CNTROB: variants seen among roughly 807,000 people sequenced by gnomAD.
CNTROB encodes the protein centrobin, centriole duplication and spindle assembly protein.
In CNTROB, 82 loss-of-function variants were observed where a neutral mutation model predicts 115.7. That is an observed-to-expected ratio of 0.71 (90% CI 0.59 to 0.85). The LOEUF (loss-of-function observed/expected upper bound fraction) is 0.85. Ranked by LOEUF, CNTROB falls within the 40% of genes least tolerant of loss-of-function variation. The probability of loss-of-function intolerance (pLI) is 0.00; values close to 1 mark genes in which losing one functional copy is unlikely to be tolerated. For synonymous variants in CNTROB, 439 were observed against 456.4 expected, an observed-to-expected ratio of 0.96 and a Z score of 0.49; for missense variants, 1,014 against 1,144.4, an observed-to-expected ratio of 0.89 and a Z score of 1.64.
In CNTROB at chr17:7,947,700, G is replaced by A; in HGVS notation, c.2123G>A (p.Gly708Asp). Residue 708 changes from glycine (G) to aspartate (D), a missense_variant, in exon 14 of 19, where the codon GGC (glycine) becomes GAC (aspartate). Gly to Asp is a moderately conservative substitution (Grantham distance 94, BLOSUM62 -1). Coordinates refer to ENST00000563694, the MANE Select transcript of CNTROB (RefSeq NM_053051.5). ...GGGCTGCCGCCTGCTCAGCTGGAGG[G>A]CCTCAAGAATTTTTTGCACCAGGTA... ...KQGLPPAQLE[G>D]LKNFLHQLLE... 2.5e-6 allele frequency: 4 copies of A among 1,611,738 alleles called. No homozygotes were observed. Among genetic ancestry groups the A allele is most frequent in the Non-Finnish European group, 3.4e-6 (4 of 1,178,362 alleles).
Position 7,948,194 on chromosome 17 carries a change from A to G in CNTROB, c.2247A>G (p.Gln749=). Residue 749 remains glutamine (Q), a synonymous_variant, in exon 16 of 19, where the codon CAA becomes CAG. Transcript: ENST00000563694. This position sits in a 1 kb window ranked among gnomAD's most constrained non-coding sequence, Gnocchi z 4.4. ...LTVPSWEEAP[Q]VPRIPPPVHK... is the part of the protein sequence containing the mutation. ...TCCCATCTTGGGAGGAAGCCCCTCAAGTGCCACGTATTCCACCGCCTGTCC... is the reference window on the plus strand; with the variant it reads ...TCCCATCTTGGGAGGAAGCCCCTCAGGTGCCACGTATTCCACCGCCTGTCC... The G allele has an allele frequency of 6.2e-7, 1 of 1,614,076 alleles. No individual in the cohort carries two copies. The highest frequency in any genetic ancestry group is 8.5e-7 in the Non-Finnish European group (1 of 1,180,020).
rs76262783 is a variant in CNTROB at position 7,947,654 on chromosome 17, G to A, written c.2077G>A (p.Gly693Arg). ...CCCTGAGGAAGATCCTGGACCTGAC[G>A]GGGAGGGCCTCCTAAAGCAAGGGCT... Reference protein sequence around the residue: ...PFPEEDPGPDGEGLLKQGLPP... With the variant: ...PFPEEDPGPDREGLLKQGLPP... Residue 693 changes from glycine (G) to arginine (R), a missense_variant, in exon 14 of 19, where the codon GGG (glycine) becomes AGG (arginine). By Grantham distance (125) the Gly-to-Arg change is moderately radical (BLOSUM62 -2). Coordinates refer to ENST00000563694, the MANE Select transcript of CNTROB (RefSeq NM_053051.5). 198 of 1,613,960 alleles carry A rather than the reference G, an allele frequency of 1.2e-4. 1 individual carries two copies. Among genetic ancestry groups the A allele is most frequent in the Admixed American group, 2.7e-4 (16 of 60,012 alleles).
In CNTROB at chr17:7,934,121, A is replaced by T; in HGVS notation, c.271-17A>T. ...ATAACACAGACTGCATCTGATTTCCATGTGGCTTTTTTCCAGGATGGTTCT... is the reference window on the plus strand; with the variant it reads ...ATAACACAGACTGCATCTGATTTCCTTGTGGCTTTTTTCCAGGATGGTTCT... On this transcript the variant is annotated splice_polypyrimidine_tract_variant and intron_variant, in intron 1 of 18. Transcript: ENST00000563694. 1 of 1,609,972 alleles carries T rather than the reference A, an allele frequency of 6.2e-7. No individual in the cohort carries two copies. The highest frequency in any genetic ancestry group is 2.2e-5 in the East Asian group (1 of 44,862).
rs371432070 is a variant in CNTROB at position 7,949,542 on chromosome 17, CATT to C, written c.*33_*35del. ...CTACCCTCTCTCCTCTTTGTTCTCTCATTGTTGTTATTTTAATAAATGCTCATT... is the reference window on the plus strand; with the variant it reads ...CTACCCTCTCTCCTCTTTGTTCTCTCGTTGTTATTTTAATAAATGCTCATT... On this transcript the variant is annotated 3_prime_UTR_variant, in exon 19 of 19. Transcript: ENST00000563694. The C allele has an allele frequency of 2.1e-3, 3,224 of 1,566,002 alleles. 26 individuals are homozygous for C. In the African/African-American group the frequency reaches 0.024, roughly 12 times the overall value.
chr17:7,940,829 A>T (rs535561980), intron 9 of CNTROB, among the ~76,000 whole-genome samples: 1 of 152,372 alleles, frequency 6.6e-6, no homozygotes, highest in Admixed American at 6.5e-5. Context: ...CATGGAATAG[A>T]GCAGGAGTTG....
intron 13 of CNTROB, among the ~76,000 whole-genome samples, chr17:7,946,834 C>T (rs1455432720): frequency 6.7e-6 from 1 of 150,258 alleles, no homozygotes; most frequent in Non-Finnish European, 1.5e-5. Flanking sequence ...TGCCATTGTA[C>T]TCTAGCCTGG....
chr17:7,949,665 T>G lies in CNTROB; in HGVS notation c.*155T>G, dbSNP rs754104312. On this transcript the variant is annotated 3_prime_UTR_variant, in exon 19 of 19. Transcript: ENST00000563694. ...AGAAACCACATTTGGTTGAGTACTT[T>G]TTTTATATGTTACATGTTTATATGT... 5 of 631,340 alleles carry G rather than the reference T, an allele frequency of 7.9e-6. No individual in the cohort carries two copies. The highest frequency in any genetic ancestry group is 1.9e-5 in the African/African-American group (1 of 53,200). The allele number at this position is 631,340 out of a possible 1,614,324, so 39.1% of individuals were successfully genotyped here.
At chr17:7,945,625 A>T in intron 12 of CNTROB, 103 bp from the exon 13 acceptor site, 1 of 1,250,766 alleles carries the variant, frequency 8.0e-7, no homozygotes. Flanking sequence ...GGTGTGAGCC[A>T]CTGCATCCGG....
intron 12 of CNTROB, 153 bp from the exon 13 acceptor site, chr17:7,945,575 T>C (rs1974430884): frequency 2.5e-6 from 2 of 785,730 alleles, no homozygotes; most frequent in Non-Finnish European, 4.0e-6. Flanking sequence ...TGGTTCAAAC[T>C]GCCAGCCTCA....
At position 7,948,553 on chromosome 17, in the gene CNTROB, C is replaced by G. The variant is rs751565855; in HGVS notation, c.2447C>G (p.Ala816Gly). The G allele has an allele frequency of 1.2e-6, 2 of 1,613,868 alleles. No individual in the cohort carries two copies. Among genetic ancestry groups the G allele is most frequent in the African/African-American group, 2.7e-5 (2 of 74,852 alleles). The change falls in exon 17 of 19, where the codon GCT becomes GGT. Residue 816 changes from alanine to glycine, a missense_variant. Coordinates refer to ENST00000563694, the MANE Select transcript of CNTROB (RefSeq NM_053051.5). This position sits in a 1 kb window ranked among gnomAD's most constrained non-coding sequence, Gnocchi z 4.4. ...EVSQLLRLYQ[A>G]RGWGALPAED... ...TCTCAACTGTTGCGACTCTACCAGG[C>G]TCGGGGCTGGGGGGCTCTGCCTGCT...
intron 3 of CNTROB, 91 bp from the exon 4 acceptor site, chr17:7,934,898 T>A (rs1412883452): frequency 9.9e-6 from 14 of 1,419,444 alleles, no homozygotes; most frequent in African/African-American, 1.4e-5. Flanking sequence ...CCTCTCTGGG[T>A]CTCAGTTTCC....
chr17:7,939,413 G>T lies in CNTROB; in HGVS notation c.928-100G>T. The T allele has an allele frequency of 7.1e-6, 7 of 992,166 alleles. No individual in the cohort carries two copies. Among genetic ancestry groups the T allele is most frequent in the Non-Finnish European group, 1.1e-5 (7 of 646,046 alleles). The allele number at this position is 992,166 out of a possible 1,614,324, so 61.5% of individuals were successfully genotyped here. Reference sequence around the variant, plus strand: ...CCGGCCTAATTATTGTGTTTTTAATGAGCATAATTCTCAGCAGGCACCTTG... The same window carrying T: ...CCGGCCTAATTATTGTGTTTTTAATTAGCATAATTCTCAGCAGGCACCTTG... On this transcript the variant is annotated intron_variant, in intron 7 of 18. Transcript: ENST00000563694. This position sits in a 1 kb window ranked among gnomAD's most constrained non-coding sequence, Gnocchi z 4.4.
Position 7,948,344 on chromosome 17 carries a change from T to G in CNTROB, c.2380+17T>G, listed in dbSNP as rs1317869297. The G allele has an allele frequency of 6.2e-7, 1 of 1,613,718 alleles. No homozygotes were observed. Among genetic ancestry groups the G allele is most frequent in the Non-Finnish European group, 8.5e-7 (1 of 1,179,708 alleles). The stretch of plus-strand genomic sequence containing the variant: ...CAGAGAGAGGTGAGCATGTTCTGGT[T>G]TATTAGGGAAAAAAGGAGGGACAGT... On this transcript the variant is annotated intron_variant, in intron 16 of 18. Transcript: ENST00000563694. The surrounding 1 kb of genome is among the most constrained non-coding windows in gnomAD (Gnocchi z 4.4).
intron 4 of CNTROB, 122 bp downstream of exon 4, chr17:7,935,267 G>A: frequency 6.9e-7 from 1 of 1,444,136 alleles, no homozygotes; most frequent in Non-Finnish European, 9.5e-7. Context: ...ACTTTGGGAG[G>A]CTGAGGCAGG....
In CNTROB at chr17:7,943,289, T is replaced by C. The variant is rs902482478; in HGVS notation, c.1312-102T>C. 5 of 798,762 alleles carry C rather than the reference T, an allele frequency of 6.3e-6. No individual in the cohort carries two copies. Among genetic ancestry groups the C allele is most frequent in the Non-Finnish European group, 9.9e-6 (5 of 504,484 alleles). The allele number at this position is 798,762 out of a possible 1,614,324, so 49.5% of individuals were successfully genotyped here. A position where few individuals can be genotyped will look rare whatever the true frequency, so the allele number is the denominator to read the frequency against. On this transcript the variant is annotated intron_variant, in intron 9 of 18. Coordinates refer to ENST00000563694, the MANE Select transcript of CNTROB (RefSeq NM_053051.5). This position sits in a 1 kb window ranked among gnomAD's most constrained non-coding sequence, Gnocchi z 4.7. ...GGCAAAATTCTTGTTCTTCATCTCA[T>C]ATGAGGGGAAAGTTGGTACTGGATT...
rs1973236017 is a variant in CNTROB at position 7,936,786 on chromosome 17, C to T, written c.797C>T (p.Ala266Val). ...AGGGGACTTCAAGAGGAACACCAGGCAGCAGAGCTCACCAGAAGCAAGCAG... is the reference window on the plus strand; with the variant it reads ...AGGGGACTTCAAGAGGAACACCAGGTAGCAGAGCTCACCAGAAGCAAGCAG... The part of the protein sequence containing the change: ...VLRGLQEEHQ[A>V]AELTRSKQQE... Residue 266 changes from alanine to valine, a missense_variant, in exon 6 of 19, where the codon GCA becomes GTA. Physicochemically the swap from Ala to Val is moderately conservative, Grantham distance 64. Transcript: ENST00000563694. 1.3e-6 allele frequency: 2 copies of T among 1,501,122 alleles called. No homozygotes were observed. The highest frequency in any genetic ancestry group is 1.7e-4 in the Middle Eastern group (1 of 5,868). The allele number at this position is 1,501,122 out of a possible 1,614,324, so 93.0% of individuals were successfully genotyped here.
In CNTROB at chr17:7,935,116, G is replaced by A; in HGVS notation, c.565G>A (p.Ala189Thr). 1 of 1,614,034 alleles carries A rather than the reference G, an allele frequency of 6.2e-7. No homozygotes were observed. The highest frequency in any genetic ancestry group is 8.5e-7 in the Non-Finnish European group (1 of 1,180,008). The stretch of plus-strand genomic sequence containing the variant: ...CCCAGATTTTCAGGGGCTGAGAGAT[G>A]CATTGGATTCAGAGCATACCCGCCG... The part of the protein sequence containing the change: ...NPPDFQGLRD[A>T]LDSEHTRRKH... The change falls in exon 4 of 19, where the codon GCA becomes ACA. Residue 189 changes from alanine to threonine, a missense_variant. Physicochemically the swap from Ala to Thr is moderately conservative, Grantham distance 58. Transcript: ENST00000563694.
intron 4 of CNTROB, 140 bp downstream of exon 4, chr17:7,935,285 C>T (rs909979322): frequency 2.3e-6 from 3 of 1,306,080 alleles, no homozygotes; most frequent in East Asian, 2.5e-5. Context: ...AGGCGGATCA[C>T]GAGGTCAGGA....
In CNTROB at chr17:7,944,220, C is replaced by T. The variant is rs1024887574; in HGVS notation, c.1543C>T (p.Gln515Ter). The change falls in exon 11 of 19, where the codon CAG (glutamine) becomes TAG (stop). Residue 515 changes from glutamine (Q) to a stop codon, truncating the protein, a stop_gained. Transcript: ENST00000563694. LOFTEE classifies it high-confidence loss of function. The surrounding 1 kb of genome is among the most constrained non-coding windows in gnomAD (Gnocchi z 4.0). Reference protein sequence around the residue: ...VEMAEREERQQQVAEDYELRL... With the variant: ...VEMAEREERQ ...AATGGCAGAACGAGAGGAACGGCAACAGCAGGTGGCTGAGGACTACGAGCT... is the reference window on the plus strand; with the variant it reads ...AATGGCAGAACGAGAGGAACGGCAATAGCAGGTGGCTGAGGACTACGAGCT... The T allele has an allele frequency of 5.6e-6, 9 of 1,613,726 alleles. No individual in the cohort carries two copies. Among genetic ancestry groups the T allele is most frequent in the African/African-American group, 1.3e-5 (1 of 74,914 alleles).
Sources: allele counts gnomAD v4.1 joint callset (sites outside exome capture counted in the v4.1 genomes callset), GRCh38; gene constraint gnomAD v4.1.1; non-coding constraint Gnocchi (gnomAD v3.1); transcripts MANE v1.5; gene names NCBI Gene and HGNC (gene_info 2026-07-23, HGNC 2026-07-21).